BSN: variants seen among roughly 807,000 people sequenced by gnomAD.
BSN encodes the protein bassoon presynaptic cytomatrix protein, also known as protein bassoon.
In BSN, 57 loss-of-function variants were observed where a neutral mutation model predicts 264.8. The ratio of observed to expected loss-of-function variants is 0.22; its 90% CI spans 0.17 to 0.27. BSN has a LOEUF of 0.27. BSN is among the 10% of genes least tolerant of loss of function. The pLI is 1.00. For missense variants in BSN, 4,615 were observed against 5,232.5 expected (o/e 0.88, Z 3.64); for synonymous variants, 2,059 against 2,137.3 (o/e 0.96, Z 1.01).
Position 49,654,351 on chromosome 3 carries a change from C to T in BSN, c.4795C>T (p.Pro1599Ser), listed in dbSNP as rs1485399132. 8.1e-6 allele frequency: 13 copies of T among 1,613,212 alleles called. No individual in the cohort carries two copies. Among genetic ancestry groups the T allele is most frequent in the South Asian group, 1.1e-5 (1 of 90,846 alleles). ...PTTHGYSQTT[P>S]PSVSQLPPEP... Reference sequence around the variant, plus strand: ...CACCCATGGCTACAGCCAGACAACACCTCCGAGTGTGTCTCAGCTGCCCCC... The same window carrying T: ...CACCCATGGCTACAGCCAGACAACATCTCCGAGTGTGTCTCAGCTGCCCCC... The change falls in exon 5 of 12, where the codon CCT (proline) becomes TCT (serine). Residue 1599 changes from proline (P) to serine (S), a missense_variant. Coordinates refer to ENST00000296452, the MANE Select transcript of BSN (RefSeq NM_003458.4). This position sits in a 1 kb window ranked among gnomAD's most constrained non-coding sequence, Gnocchi z 4.1.
chr3:49,663,696 A>G (rs1346900307), intron 7 of BSN, 30 bp downstream of exon 7: 2 of 1,604,370 alleles, frequency 1.2e-6, no homozygotes, highest in African/African-American at 1.3e-5. Flanking sequence ...ATGGGTTGTA[A>G]CCAGGGAAGA....
chr3:49,654,375 C>T lies in BSN; in HGVS notation c.4819C>T (p.Pro1607Ser). The T allele has an allele frequency of 6.2e-7, 1 of 1,609,106 alleles. No homozygotes were observed. The highest frequency in any genetic ancestry group is 1.1e-5 in the South Asian group (1 of 89,696). The stretch of plus-strand genomic sequence containing the variant: ...ACCTCCGAGTGTGTCTCAGCTGCCC[C>T]CAGAGCCACCTGGGCCACCTGGCTT... ...TTPPSVSQLP[P>S]EPPGPPGFPR... The change falls in exon 5 of 12, where the codon CCA becomes TCA. Residue 1607 changes from proline to serine, a missense_variant. Around this residue, in one of 3 missense-constraint regions of BSN, gnomAD observed 3,415 missense variants for 3,866.4 expected, o/e 0.88. Coordinates refer to ENST00000296452, the MANE Select transcript of BSN (RefSeq NM_003458.4). The surrounding 1 kb of genome is among the most constrained non-coding windows in gnomAD (Gnocchi z 4.1).
At chr3:49,613,325 A>AGAGAGAGAGAGAGAGAGAGAG (rs1160166013) in intron 1 of BSN, among the ~76,000 whole-genome samples, 1 of 148,018 alleles carries the variant, frequency 6.8e-6, no homozygotes, top group Non-Finnish European at 1.5e-5. Context: ...AGAGAGAGAG[A>AGAGAGAGAGAGAGAGAGAGAG]GAGAGAGAGA....
chr3:49,656,555 C>T lies in BSN; in HGVS notation c.6999C>T (p.Gly2333=). Residue 2333 remains glycine, a synonymous_variant, in exon 5 of 12, where the codon GGC becomes GGT. Coordinates refer to ENST00000296452, the MANE Select transcript of BSN (RefSeq NM_003458.4). ...CCCCAGCTCCTGCCCCACTAGCTGG[C>T]CAGAAGCCACCAGCAGATGCTGCTC... is the stretch of plus-strand genomic sequence containing the variant. ...AGAPAPAPLA[G]QKPPADAAPG... is the part of the protein sequence containing the mutation. The T allele has an allele frequency of 6.4e-7, 1 of 1,570,088 alleles. No individual in the cohort carries two copies. Among genetic ancestry groups the T allele is most frequent in the Non-Finnish European group, 8.6e-7 (1 of 1,158,536 alleles).
chr3:49,663,071 G>T lies in BSN; in HGVS notation c.10913G>T (p.Arg3638Leu). ...CCTCATGATGAGGGTGGCCCAGGCC[G>T]CCATGCCTCAGCCAAGGAACACCGG... ...LWPHDEGGPG[R>L]HASAKEHRHG... is the part of the protein sequence containing the mutation. The change falls in exon 7 of 12, where the codon CGC becomes CTC. Residue 3638 changes from arginine to leucine, a missense_variant. Physicochemically the swap from Arg to Leu is moderately radical, Grantham distance 102. Transcript: ENST00000296452. The T allele has an allele frequency of 6.2e-7, 1 of 1,612,610 alleles. No homozygotes were observed.
Position 49,656,271 on chromosome 3 carries a change from A to C in BSN, c.6715A>C (p.Thr2239Pro). ...TGGTGGAATCACAGCCGTGCCACTC[A>C]CCAGTCTGACACGTGTGCCCATGAT... The part of the protein sequence containing the change: ...ASGGITAVPL[T>P]SLTRVPMIAP... Residue 2239 changes from threonine (T) to proline (P), a missense_variant, in exon 5 of 12, where the codon ACC becomes CCC. Physicochemically the swap from Thr to Pro is conservative, Grantham distance 38 (BLOSUM62 -1). Around this residue, in one of 3 missense-constraint regions of BSN, gnomAD observed 3,415 missense variants for 3,866.4 expected, o/e 0.88. Coordinates refer to ENST00000296452, the MANE Select transcript of BSN (RefSeq NM_003458.4). The C allele has an allele frequency of 1.9e-6, 3 of 1,612,832 alleles. No individual in the cohort carries two copies. Among genetic ancestry groups the C allele is most frequent in the Non-Finnish European group, 2.5e-6 (3 of 1,179,726 alleles).
chr3:49,565,398 A>G (rs1575424655), intron 1 of BSN, among the ~76,000 whole-genome samples: 3 of 138,008 alleles, frequency 2.2e-5, no homozygotes, highest in Admixed American at 1.5e-4. Flanking sequence ...TCAGCTCACT[A>G]CAAGCTCTGC....
intron 3 of BSN, among the ~76,000 whole-genome samples, chr3:49,645,496 G>T (rs2052498292): frequency 6.6e-6 from 1 of 152,160 alleles, no homozygotes; most frequent in Admixed American, 6.5e-5. Flanking sequence ...ACTGTCACAA[G>T]AATCTGGCCT....
chr3:49,621,352 A>G (rs954986303), intron 1 of BSN, among the ~76,000 whole-genome samples: 2 of 152,162 alleles, frequency 1.3e-5, no homozygotes, highest in African/African-American at 4.8e-5. Flanking sequence ...CGTTTGTGTA[A>G]AGACTGAGCC....
Position 49,606,209 on chromosome 3 carries a change from AT to A in BSN, c.225-18765del, listed in dbSNP as rs1376223917. Reference sequence around the variant, plus strand: ...TATATTATATATACATATATTATATATGTATATATTATATATACATATATTA... The same window carrying A: ...TATATTATATATACATATATTATATAGTATATATTATATATACATATATTA... On this transcript the variant is annotated intron_variant, in intron 1 of 11. Transcript: ENST00000296452. 2.1e-3 allele frequency among the ~76,000 whole-genome samples: 103 copies of A among 49,764 alleles called. 2 individuals carry two copies. Among genetic ancestry groups the A allele is most frequent in the African/African-American group, 5.4e-3 (63 of 11,774 alleles). 32.6% of individuals were successfully genotyped at this position (49,764 alleles called of 152,430 possible). A position where few individuals can be genotyped will look rare whatever the true frequency, so the allele number is the denominator to read the frequency against.
intron 1 of BSN, among the ~76,000 whole-genome samples, chr3:49,588,471 GT>G (rs918245098): frequency 2.6e-5 from 4 of 151,764 alleles, no homozygotes; most frequent in Admixed American, 6.6e-5. Context: ...TTTTTTGAGG[GT>G]TTTTTTTAAA....
chr3:49,663,254 A>G lies in BSN; in HGVS notation c.11096A>G (p.Tyr3699Cys), dbSNP rs1321501781. The stretch of plus-strand genomic sequence containing the variant: ...ATGCCGAAGAAGGGTCAGCCTGGGT[A>G]TCCCAGCTCTGCTGAGTACTCACAG... ...PAMPKKGQPG[Y>C]PSSAEYSQPS... The change falls in exon 7 of 12, where the codon TAT (tyrosine) becomes TGT (cysteine). Residue 3699 changes from tyrosine (Y) to cysteine (C), a missense_variant. Tyr to Cys is a radical substitution (Grantham distance 194). Transcript: ENST00000296452. The G allele has an allele frequency of 1.2e-6, 2 of 1,614,124 alleles. No homozygotes were observed. The highest frequency in any genetic ancestry group is 2.2e-5 in the South Asian group (2 of 91,092).
chr3:49,656,894 G>T lies in BSN; in HGVS notation c.7338G>T (p.Ala2446=). 1 of 1,600,430 alleles carries T rather than the reference G, an allele frequency of 6.2e-7. No individual in the cohort carries two copies. Among genetic ancestry groups the T allele is most frequent in the Non-Finnish European group, 8.5e-7 (1 of 1,173,516 alleles). ...AQFALQREQL[A]QQRLQLEQIQ... ...TTGCACTGCAGCGGGAACAGCTAGCGCAGCAGCGTCTGCAGCTGGAGCAGA... is the reference window on the plus strand; with the variant it reads ...TTGCACTGCAGCGGGAACAGCTAGCTCAGCAGCGTCTGCAGCTGGAGCAGA... The change falls in exon 5 of 12, where the codon GCG becomes GCT. Residue 2446 remains alanine (A), a synonymous_variant. Transcript: ENST00000296452.
At chr3:49,562,511 G>A (rs528037829) in intron 1 of BSN, among the ~76,000 whole-genome samples, 3 of 152,138 alleles carry the variant, frequency 2.0e-5, no homozygotes, top group South Asian at 2.1e-4. Flanking sequence ...ATTAAAAGGG[G>A]TTGCATTATT....
At position 49,662,090 on chromosome 3, in the gene BSN, C is replaced by T. The variant is rs61736337; in HGVS notation, c.10245C>T (p.Asn3415=). The part of the protein sequence containing the change: ...QDEITYGLKK[N]VYEQQKYYGM... ...AAATCACCTATGGGCTCAAGAAGAA[C>T]GTGTATGAGCAGCAAAAATACTATG... The change falls in exon 6 of 12, where the codon AAC becomes AAT. Residue 3415 remains asparagine, a synonymous_variant. Transcript: ENST00000296452. The T allele has an allele frequency of 7.2e-4, 1,165 of 1,613,536 alleles. 5 individuals carry two copies. In the African/African-American group the frequency reaches 0.014, roughly 19 times the overall value.
intron 2 of BSN, among the ~76,000 whole-genome samples, chr3:49,629,887 G>T (rs534875662): frequency 3.0e-4 from 46 of 152,358 alleles, no homozygotes; most frequent in Non-Finnish European, 5.7e-4. Flanking sequence ...CCATTCCAAG[G>T]TCTGGACTTT....
chr3:49,644,344 C>A (rs2052490089), intron 3 of BSN, among the ~76,000 whole-genome samples: 1 of 152,274 alleles, frequency 6.6e-6, no homozygotes, highest in South Asian at 2.1e-4. Flanking sequence ...GTTGCCATGG[C>A]CTCTGTGGCA....
Position 49,554,545 on chromosome 3 carries a change from C to G in BSN, c.-58C>G. On this transcript the variant is annotated 5_prime_UTR_variant, in exon 1 of 12. Coordinates refer to ENST00000296452, the MANE Select transcript of BSN (RefSeq NM_003458.4). ...CGGCGCCGAGAGTGTGAGCACCGCC[C>G]GGGAGCCGCCGGCCCGGGCGCAGCG... is the stretch of plus-strand genomic sequence containing the variant. 1 of 675,976 alleles carries G rather than the reference C, an allele frequency of 1.5e-6. No individual in the cohort carries two copies. Among genetic ancestry groups the G allele is most frequent in the Non-Finnish European group, 1.8e-6 (1 of 548,026 alleles). 41.9% of individuals were successfully genotyped at this position (675,976 alleles called of 1,614,324 possible). A position where few individuals can be genotyped will look rare whatever the true frequency, so the allele number is the denominator to read the frequency against.
intron 3 of BSN, among the ~76,000 whole-genome samples, chr3:49,649,236 C>G (rs747473914): frequency 2.6e-5 from 4 of 152,214 alleles, no homozygotes; most frequent in Non-Finnish European, 5.9e-5. Flanking sequence ...CTGGGGGTGG[C>G]AAGGGCCAAA....
Sources: allele counts gnomAD v4.1 joint callset (sites outside exome capture counted in the v4.1 genomes callset), GRCh38; gene constraint gnomAD v4.1.1; regional missense constraint gnomAD v4.1.1; non-coding constraint Gnocchi (gnomAD v3.1); transcripts MANE v1.5; gene names NCBI Gene and HGNC (gene_info 2026-07-23, HGNC 2026-07-21).